The following OLFM3 variants were observed in gnomAD, a reference collection of about 807,000 sequenced individuals.
OLFM3 encodes the protein noelin-3.
In OLFM3, 20 loss-of-function variants were observed where a neutral mutation model predicts 48.6. That is an observed-to-expected ratio of 0.41 (90% CI 0.29 to 0.60). The LOEUF (loss-of-function observed/expected upper bound fraction) is 0.60. Ranked by LOEUF, OLFM3 falls within the 20% of genes least tolerant of loss-of-function variation. OLFM3 has a pLI of 0.28. For synonymous variants in OLFM3, 222 were observed against 198.1 expected (o/e 1.12, Z -1.01); for missense variants, 437 against 544.3 (o/e 0.80, Z 1.96).
intron 1 of OLFM3, among the ~76,000 whole-genome samples, chr1:101,899,851 A>AT (rs1202607359): frequency 2.0e-5 from 3 of 152,190 alleles, no homozygotes. Flanking sequence ...CATTTAACAC[A>AT]TAAGTTACTT....
chr1:101,929,242 T>A (rs963672169), intron 1 of OLFM3, among the ~76,000 whole-genome samples: 7 of 152,172 alleles, frequency 4.6e-5, no homozygotes, highest in Non-Finnish European at 1.0e-4. Context: ...GTTTCTTTGC[T>A]ACATTTGGAT....
chr1:101,806,233 A>G, intron 4 of OLFM3, 51 bp from the exon 5 acceptor site: 2 of 1,355,786 alleles, frequency 1.5e-6, no homozygotes, highest in Non-Finnish European at 2.1e-6. Flanking sequence ...CAATGATTCC[A>G]ATACGCATAC....
intron 3 of OLFM3, among the ~76,000 whole-genome samples, chr1:101,829,222 A>G (rs1655030753): frequency 6.6e-6 from 1 of 152,116 alleles, no homozygotes; most frequent in South Asian, 2.1e-4. Context: ...TCTGTTTACC[A>G]TTTATCCATA....
chr1:101,895,325 G>T (rs115539676), intron 1 of OLFM3, among the ~76,000 whole-genome samples: 1 of 151,540 alleles, frequency 6.6e-6, no homozygotes, highest in South Asian at 2.1e-4. Context: ...TAAGTTATGC[G>T]TATCAGCACA....
chr1:101,864,569 G>A (rs74107958), intron 1 of OLFM3, among the ~76,000 whole-genome samples: 2 of 152,088 alleles, frequency 1.3e-5, no homozygotes, highest in African/African-American at 2.4e-5. Flanking sequence ...TAACAAAATT[G>A]TATAGGTTTG....
intron 1 of OLFM3, among the ~76,000 whole-genome samples, chr1:101,870,151 T>C (rs1657020295): frequency 6.6e-6 from 1 of 152,188 alleles, no homozygotes; most frequent in Non-Finnish European, 1.5e-5. Flanking sequence ...TGATGGAAAA[T>C]TGTGAAAATT....
At chr1:101,950,679 C>T (rs1428250063) in intron 1 of OLFM3, among the ~76,000 whole-genome samples, 1 of 151,928 alleles carries the variant, frequency 6.6e-6, no homozygotes, top group Non-Finnish European at 1.5e-5. Flanking sequence ...CTCCTGACCT[C>T]GTGATCCACC....
At chr1:101,925,240 G>T (rs1034976911) in intron 1 of OLFM3, among the ~76,000 whole-genome samples, 2 of 151,812 alleles carry the variant, frequency 1.3e-5, no homozygotes, top group African/African-American at 4.8e-5. Flanking sequence ...ACTGGGAAGG[G>T]CCTAAATATT....
intron 1 of OLFM3, among the ~76,000 whole-genome samples, chr1:101,953,127 G>A (rs977222855): frequency 3.3e-5 from 5 of 151,872 alleles, no homozygotes; most frequent in South Asian, 2.1e-4. Flanking sequence ...ATAGCATGTC[G>A]GACATACTGG....
chr1:101,821,408 C>T (rs912433090), intron 4 of OLFM3, among the ~76,000 whole-genome samples: 3 of 152,052 alleles, frequency 2.0e-5, no homozygotes, highest in African/African-American at 7.2e-5. Flanking sequence ...TAGAGTGGCT[C>T]TTTTAAAAAT....
intron 1 of OLFM3, chr1:101,910,144 G>T: frequency 1.0e-6 from 1 of 985,140 alleles, no homozygotes; most frequent in Non-Finnish European, 1.2e-6. Context: ...ATCATCACAA[G>T]ATGTTTATCG....
chr1:101,817,456 A>T (rs1447362766), intron 4 of OLFM3, among the ~76,000 whole-genome samples: 1 of 152,178 alleles, frequency 6.6e-6, no homozygotes, highest in Non-Finnish European at 1.5e-5. Context: ...TTTTATTTCT[A>T]TCATGACTTT....
intron 1 of OLFM3, among the ~76,000 whole-genome samples, chr1:101,900,570 A>T (rs1321053787): frequency 6.6e-6 from 1 of 152,156 alleles, no homozygotes; most frequent in Non-Finnish European, 1.5e-5. Context: ...TGTAAAGGCA[A>T]GAAAGTGTTT....
chr1:101,991,016 A>AATATAT (rs1215588189), intron 1 of OLFM3, among the ~76,000 whole-genome samples: 400 of 32,188 alleles, frequency 0.012, 25 homozygotes, highest in Middle Eastern at 0.031. Flanking sequence ...AAAAAAAAAA[A>AATATAT]ATATATATAT....
chr1:101,828,650 A>G (rs1405039392), intron 3 of OLFM3, among the ~76,000 whole-genome samples: 1 of 152,174 alleles, frequency 6.6e-6, no homozygotes, highest in African/African-American at 2.4e-5. Flanking sequence ...AAAGATGAAC[A>G]TGCTTCATCA....
intron 1 of OLFM3, among the ~76,000 whole-genome samples, chr1:101,872,116 T>A (rs983203179): frequency 1.3e-5 from 2 of 152,010 alleles, no homozygotes; most frequent in Non-Finnish European, 2.9e-5. Context: ...GTAAGAAGGT[T>A]CATGTCCTTG....
In OLFM3 at chr1:101,961,559, A is replaced by G. The variant is rs529123552; in HGVS notation, c.69+35189T>C. ...CTATAGAAATCCCTTTCCTAATGAT[A>G]CAGATCCTTGACAGACTAAAGGACT... On this transcript the variant is annotated intron_variant, in intron 1 of 5. Coordinates refer to ENST00000370103, the MANE Select transcript of OLFM3 (RefSeq NM_058170.4). Among the ~76,000 whole-genome samples the G allele has an allele frequency of 2.7e-4, 41 of 152,230 alleles. No homozygotes were observed. In the South Asian group the frequency reaches 8.3e-3, roughly 31 times the overall value.
intron 3 of OLFM3, among the ~76,000 whole-genome samples, chr1:101,829,111 T>G (rs1261571352): frequency 1.3e-5 from 2 of 152,182 alleles, no homozygotes; most frequent in Non-Finnish European, 2.9e-5. Flanking sequence ...AGATTACGTA[T>G]AATACATCCA....
intron 4 of OLFM3, among the ~76,000 whole-genome samples, chr1:101,818,327 A>G: frequency 6.6e-6 from 1 of 152,100 alleles, no homozygotes; most frequent in East Asian, 1.9e-4. Flanking sequence ...ATTAATGATA[A>G]ATAAATATAT....
Sources: allele counts gnomAD v4.1 joint callset (sites outside exome capture counted in the v4.1 genomes callset), GRCh38; gene constraint gnomAD v4.1.1; transcripts MANE v1.5; gene names NCBI Gene and HGNC (gene_info 2026-07-23, HGNC 2026-07-21).